ITFG1: variants seen among roughly 807,000 people sequenced by gnomAD.
ITFG1 encodes integrin alpha FG-GAP repeat containing 1, also known as T-cell immunomodulatory protein.
In ITFG1, 34 loss-of-function variants were observed where a neutral mutation model predicts 81.8. That is an observed-to-expected ratio of 0.42 (90% CI 0.32 to 0.55). ITFG1 has a LOEUF of 0.55. ITFG1 is among the 20% of genes least tolerant of loss of function. The pLI, the probability that ITFG1 is intolerant of heterozygous loss-of-function variation, is 0.17. For synonymous variants in ITFG1, 285 were observed against 270.6 expected (o/e 1.05, Z -0.52); for missense variants, 672 against 755.4 (o/e 0.89, Z 1.29).
chr16:47,367,034 T>C (rs1443429597), intron 7 of ITFG1, among the ~76,000 whole-genome samples: 1 of 152,240 alleles, frequency 6.6e-6, no homozygotes, highest in Non-Finnish European at 1.5e-5. Flanking sequence ...CCAGTATTTC[T>C]GCCTGACCAG....
Position 47,155,595 on chromosome 16 carries a change from C to T in ITFG1, c.*124G>A. 1 of 659,578 alleles carries T rather than the reference C, an allele frequency of 1.5e-6. No individual in the cohort carries two copies. The highest frequency in any genetic ancestry group is 2.6e-6 in the Non-Finnish European group (1 of 383,440). The allele number at this position is 659,578 out of a possible 1,614,324, so 40.9% of individuals were successfully genotyped here. On this transcript the variant is annotated 3_prime_UTR_variant, in exon 18 of 18. Coordinates refer to ENST00000320640, the MANE Select transcript of ITFG1 (RefSeq NM_030790.5). ...AAACCATATTTATTTGAATACTTTC[C>T]AATAATTACCATGGGATACATCATT...
intron 8 of ITFG1, among the ~76,000 whole-genome samples, chr16:47,363,625 T>G (rs1034652187): frequency 7.9e-5 from 12 of 152,178 alleles, no homozygotes; most frequent in Non-Finnish European, 1.8e-4. Context: ...AAAATAACAC[T>G]TTTTTTACTG....
At chr16:47,190,346 CAT>C (rs374926392) in intron 14 of ITFG1, among the ~76,000 whole-genome samples, 89 of 152,216 alleles carry the variant, frequency 5.8e-4, no homozygotes, top group African/African-American at 1.5e-3. Flanking sequence ...TTTACTGAAA[CAT>C]GTGATTTTAA....
intron 6 of ITFG1, among the ~76,000 whole-genome samples, chr16:47,422,420 G>A (rs943283387): frequency 2.6e-5 from 4 of 152,138 alleles, no homozygotes; most frequent in Non-Finnish European, 4.4e-5. Context: ...TTTTCACATC[G>A]ATGTTCATCA....
At chr16:47,337,137 C>CA (rs5816576) in intron 8 of ITFG1, among the ~76,000 whole-genome samples, 37,756 of 80,566 alleles carry the variant, frequency 0.47, 8,004 homozygotes, top group East Asian at 0.75. Context: ...AACTCTGTCT[C>CA]AAAAAAAAAA....
intron 8 of ITFG1, among the ~76,000 whole-genome samples, chr16:47,349,352 G>C (rs924811950): frequency 6.6e-6 from 1 of 152,180 alleles, no homozygotes; most frequent in African/African-American, 2.4e-5. Context: ...TCAAAATAAA[G>C]GGATGGAGGA....
intron 10 of ITFG1, among the ~76,000 whole-genome samples, chr16:47,261,120 C>T (rs1418446930): frequency 1.3e-5 from 2 of 152,222 alleles, no homozygotes; most frequent in Non-Finnish European, 2.9e-5. Flanking sequence ...CAGCTGCTCT[C>T]ATAGGTGGTA....
chr16:47,310,283 C>G lies in ITFG1; in HGVS notation c.1070+957G>C, dbSNP rs564775182. On this transcript the variant is annotated intron_variant, in intron 10 of 17. Coordinates refer to ENST00000320640, the MANE Select transcript of ITFG1 (RefSeq NM_030790.5). The stretch of plus-strand genomic sequence containing the variant: ...CTGTTTGGAGTTAAAAGCAGTAATA[C>G]GTCTGACTTCTTCTGGAGAAGTTGT... Among the ~76,000 whole-genome samples the G allele has an allele frequency of 2.6e-5, 4 of 152,250 alleles. No homozygotes were observed. In the East Asian group the frequency reaches 7.7e-4, roughly 29 times the overall value.
At chr16:47,185,385 A>T (rs987745062) in intron 14 of ITFG1, among the ~76,000 whole-genome samples, 3 of 151,924 alleles carry the variant, frequency 2.0e-5, no homozygotes, top group African/African-American at 4.8e-5. Flanking sequence ...AAGTAAATGT[A>T]AAAGAACAGA....
In ITFG1 at chr16:47,155,610, G is replaced by A; in HGVS notation, c.*109C>T. ...GAATACTTTCCAATAATTACCATGGGATACATCATTTATAAATAATATTTA... is the reference window on the plus strand; with the variant it reads ...GAATACTTTCCAATAATTACCATGGAATACATCATTTATAAATAATATTTA... On this transcript the variant is annotated 3_prime_UTR_variant, in exon 18 of 18. Coordinates refer to ENST00000320640, the MANE Select transcript of ITFG1 (RefSeq NM_030790.5). The A allele has an allele frequency of 1.4e-6, 1 of 712,186 alleles. No homozygotes were observed. Among genetic ancestry groups the A allele is most frequent in the South Asian group, 1.9e-5 (1 of 53,140 alleles). 44.1% of individuals were successfully genotyped at this position (712,186 alleles called of 1,614,324 possible).
At position 47,400,938 on chromosome 16, in the gene ITFG1, G is replaced by C. The variant is rs570108377; in HGVS notation, c.656-24998C>G. Among the ~76,000 whole-genome samples, 304 of 152,236 alleles carry C rather than the reference G, an allele frequency of 2.0e-3. 1 individual carries two copies. The highest frequency in any genetic ancestry group is 3.0e-3 in the Non-Finnish European group (205 of 68,012). On this transcript the variant is annotated intron_variant, in intron 6 of 17. Coordinates refer to ENST00000320640, the MANE Select transcript of ITFG1 (RefSeq NM_030790.5). ...GTGCCACAAAGAGATTTTAAGAAAG[G>C]GTGTGATAAGATCTCATCTTTAATT...
At chr16:47,406,220 T>C in intron 6 of ITFG1, among the ~76,000 whole-genome samples, 1 of 152,220 alleles carries the variant, frequency 6.6e-6, no homozygotes, top group East Asian at 1.9e-4. Context: ...TATGATATCT[T>C]AAGGTTGGAG....
chr16:47,353,265 A>G (rs1967991895), intron 8 of ITFG1, among the ~76,000 whole-genome samples: 1 of 152,168 alleles, frequency 6.6e-6, no homozygotes, highest in African/African-American at 2.4e-5. Context: ...TCCCAGAGGC[A>G]TAAAAATGGT....
At chr16:47,300,858 T>C (rs1967064985) in intron 10 of ITFG1, among the ~76,000 whole-genome samples, 2 of 152,166 alleles carry the variant, frequency 1.3e-5, no homozygotes, top group African/African-American at 2.4e-5. Context: ...ATTGGATAAA[T>C]ACACAGCACA....
At position 47,454,060 on chromosome 16, in the gene ITFG1, T is replaced by C. The variant is rs141034112; in HGVS notation, c.380A>G (p.Lys127Arg). 310 of 1,611,296 alleles carry C rather than the reference T, an allele frequency of 1.9e-4. No individual in the cohort carries two copies. The African/African-American group carries it at 3.0e-3, about 16-fold the overall frequency. Reference sequence around the variant, plus strand: ...GAAGATAACAGCTCCTAATTCACTCTTGGCATAATTTTTGGGAAGATATGT... The same window carrying C: ...GAAGATAACAGCTCCTAATTCACTCCTGGCATAATTTTTGGGAAGATATGT... ...LLTYLPKNYA[K>R]SELGAVIFWG... The change falls in exon 3 of 18, where the codon AAG (lysine) becomes AGG (arginine). Residue 127 changes from lysine (K) to arginine (R), a missense_variant. Coordinates refer to ENST00000320640, the MANE Select transcript of ITFG1 (RefSeq NM_030790.5).
intron 8 of ITFG1, among the ~76,000 whole-genome samples, chr16:47,337,638 T>G (rs1235825845): frequency 6.6e-6 from 1 of 152,202 alleles, no homozygotes; most frequent in Non-Finnish European, 1.5e-5. Context: ...CGTTAAGGAT[T>G]GTGAACAAAC....
At chr16:47,252,839 T>A (rs1350172276) in intron 12 of ITFG1, among the ~76,000 whole-genome samples, 1 of 152,174 alleles carries the variant, frequency 6.6e-6, no homozygotes, top group Non-Finnish European at 1.5e-5. Context: ...GAAGGGTAAT[T>A]ACGTGCTAGT....
rs539367760 is a variant in ITFG1, at chr16:47,225,630, G to T, written c.1375-6684C>A. Among the ~76,000 whole-genome samples, 3 of 152,300 alleles carry T rather than the reference G, an allele frequency of 2.0e-5. No individual in the cohort carries two copies. The East Asian group carries it at 5.8e-4, about 29-fold the overall frequency. ...CATCAGAAACCCAGGAGGCTAGAAG[G>T]CAATAGGATGATAAATTCAAAGTGT... On this transcript the variant is annotated intron_variant, in intron 13 of 17. Transcript: ENST00000320640.
At chr16:47,413,945 C>A (rs897856774) in intron 6 of ITFG1, among the ~76,000 whole-genome samples, 3 of 151,782 alleles carry the variant, frequency 2.0e-5, no homozygotes, top group African/African-American at 7.3e-5. Flanking sequence ...CTCAGCCTCC[C>A]GAGTAGCTGG....
Sources: gnomAD v4.1 joint callset for allele counts (sites outside exome capture counted in the v4.1 genomes callset) on GRCh38, gnomAD v4.1.1 for gene constraint, MANE v1.5 for transcripts, NCBI Gene and HGNC (gene_info 2026-07-23, HGNC 2026-07-21) for gene names.